The following CTR9 variants were observed in gnomAD, a reference collection of about 807,000 sequenced individuals.
CTR9 encodes CTR9 component of Paf1/RNA polymerase II complex.
A neutral mutation model predicts 152.1 loss-of-function variants in CTR9; 41 were observed. That is an observed-to-expected ratio of 0.27 (90% CI 0.21 to 0.35). CTR9 has a LOEUF of 0.35. CTR9 is among the 10% of genes least tolerant of loss of function. The pLI is 1.00. For missense variants in CTR9, 917 were observed against 1,424.4 expected (o/e 0.64, Z 5.73); for synonymous variants, 476 against 496.2 (o/e 0.96, Z 0.54).
intron 19 of CTR9, 124 bp downstream of exon 19, chr11:10,771,740 T>G: frequency 1.5e-6 from 1 of 656,964 alleles, no homozygotes; most frequent in Non-Finnish European, 2.7e-6. Context: ...CACACTTCTC[T>G]TGGGGACTCT....
chr11:10,779,088 T>C lies in CTR9; in HGVS notation c.3505T>C (p.Ser1169Pro). 12 of 1,611,632 alleles carry C rather than the reference T, an allele frequency of 7.4e-6. No individual in the cohort carries two copies. The highest frequency in any genetic ancestry group is 1.0e-5 in the Non-Finnish European group (12 of 1,178,154). The change falls in exon 25 of 25, where the codon TCA becomes CCA. Residue 1169 changes from serine to proline, a missense_variant. Coordinates refer to ENST00000361367, the MANE Select transcript of CTR9 (RefSeq NM_014633.5). ...CTCAGATAGAGGCTCAGAACATGGGTCAGATGATAGTGACTAGGTTTTATT... is the reference window on the plus strand; with the variant it reads ...CTCAGATAGAGGCTCAGAACATGGGCCAGATGATAGTGACTAGGTTTTATT... ...EASDRGSEHG[S>P]DDSD is the part of the protein sequence containing the mutation.
intron 6 of CTR9, among the ~76,000 whole-genome samples, chr11:10,760,906 T>G (rs571552819): frequency 6.6e-6 from 1 of 152,288 alleles, no homozygotes; most frequent in African/African-American, 2.4e-5. Flanking sequence ...ATCTCCAGCT[T>G]CTCATTATTA....
chr11:10,774,100 A>C lies in CTR9; in HGVS notation c.2816A>C (p.Lys939Thr). 1 of 1,609,716 alleles carries C rather than the reference A, an allele frequency of 6.2e-7. No homozygotes were observed. Among genetic ancestry groups the C allele is most frequent in the Non-Finnish European group, 8.5e-7 (1 of 1,176,030 alleles). The change falls in exon 22 of 25, where the codon AAG becomes ACG. Residue 939 changes from lysine (K) to threonine (T), a missense_variant. Lys to Thr is a moderately conservative substitution (Grantham distance 78). Coordinates refer to ENST00000361367, the MANE Select transcript of CTR9 (RefSeq NM_014633.5). ...LPISKKKKRR[K>T]GSGSEQEGED... Reference sequence around the variant, plus strand: ...ATATCCAAAAAGAAGAAGAGAAGAAAGGGTAGTGGCAGTGAACAAGAAGGT... The same window carrying C: ...ATATCCAAAAAGAAGAAGAGAAGAACGGGTAGTGGCAGTGAACAAGAAGGT...
intron 24 of CTR9, among the ~76,000 whole-genome samples, chr11:10,777,927 C>T (rs369106472): frequency 3.9e-5 from 6 of 152,276 alleles, no homozygotes; most frequent in South Asian, 4.1e-4. Context: ...GAGCGGTCAC[C>T]GTGGTTAAGG....
At position 10,774,009 on chromosome 11, in the gene CTR9, T is replaced by C. The variant is rs752712432; in HGVS notation, c.2728-3T>C. On this transcript the variant is annotated splice_polypyrimidine_tract_variant and splice_region_variant and intron_variant, in intron 21 of 24. Transcript: ENST00000361367. ...ACTGACTATAGTGTTGTTTGGATTT[T>C]AGCGTTCTAAGAAGGGAGGAGAGTT... The C allele has an allele frequency of 6.2e-7, 1 of 1,608,282 alleles. No homozygotes were observed. The highest frequency in any genetic ancestry group is 1.1e-5 in the South Asian group (1 of 90,076).
chr11:10,779,216 ATTTTC>A lies in CTR9; in HGVS notation c.*118_*122del, dbSNP rs1243838099. ...CAATTGTGAAATTTTTCTTAAGGCA[ATTTTC>A]TTTTCTATCAGTTTGTATATTACTA... On this transcript the variant is annotated 3_prime_UTR_variant, in exon 25 of 25. Transcript: ENST00000361367. 10 of 1,141,142 alleles carry A rather than the reference ATTTTC, an allele frequency of 8.8e-6. No homozygotes were observed. The highest frequency in any genetic ancestry group is 2.6e-5 in the East Asian group (1 of 38,982). The allele number at this position is 1,141,142 out of a possible 1,614,324, so 70.7% of individuals were successfully genotyped here.
chr11:10,771,664 T>C (rs1444902060), intron 19 of CTR9, 48 bp downstream of exon 19: 2 of 1,376,262 alleles, frequency 1.5e-6, no homozygotes, highest in African/African-American at 1.4e-5. Context: ...GCAGTGATAT[T>C]TACATGGGCT....
chr11:10,764,309 G>A lies in CTR9; in HGVS notation c.1286G>A (p.Gly429Asp), dbSNP rs1196300708. The A allele has an allele frequency of 6.2e-7, 1 of 1,613,906 alleles. No individual in the cohort carries two copies. Among genetic ancestry groups the A allele is most frequent in the African/African-American group, 1.3e-5 (1 of 74,982 alleles). Residue 429 changes from glycine (G) to aspartate (D), a missense_variant and splice_region_variant, in exon 11 of 25, where the codon GGT becomes GAT. Coordinates refer to ENST00000361367, the MANE Select transcript of CTR9 (RefSeq NM_014633.5). ...AQILEQTDIQ[G>D]ALSAYGTATR... ...TTTCTGTCAATCATGAAAATACAGG[G>A]TGCCCTTTCAGCCTATGGAACAGCA... is the stretch of plus-strand genomic sequence containing the variant.
Position 10,763,812 on chromosome 11 carries a change from A to G in CTR9, c.1127A>G (p.Glu376Gly). Residue 376 changes from glutamate to glycine, a missense_variant, in exon 9 of 25, where the codon GAA becomes GGA. Glu to Gly is a moderately conservative substitution (Grantham distance 98, BLOSUM62 -2). Transcript: ENST00000361367. ...KVLKAYPNNYETMKILGSLYA... is the reference protein window; with the variant it reads ...KVLKAYPNNYGTMKILGSLYA... The stretch of plus-strand genomic sequence containing the variant: ...TTGAAAGCTTATCCTAATAATTACG[A>G]AACTATGAAAATTCTCGGCTCTCTC... The G allele has an allele frequency of 6.2e-7, 1 of 1,613,954 alleles. No homozygotes were observed.
At chr11:10,762,137 G>T in intron 7 of CTR9, 83 bp downstream of exon 7, 1 of 892,838 alleles carries the variant, frequency 1.1e-6, no homozygotes, top group Non-Finnish European at 1.7e-6. Flanking sequence ...AACTTGGAAA[G>T]AAATTTGAAA....
chr11:10,766,236 T>C (rs1007719519), intron 12 of CTR9, 166 bp from the exon 13 acceptor site: 16 of 605,794 alleles, frequency 2.6e-5, no homozygotes, highest in African/African-American at 2.5e-4. Context: ...ACAAAATTAT[T>C]CTTTAACTTG....
rs544297492 is a variant in CTR9 at position 10,760,586 on chromosome 11, A to G, written c.741+265A>G. Among the ~76,000 whole-genome samples, 19 of 148,412 alleles carry G rather than the reference A, an allele frequency of 1.3e-4. No homozygotes were observed. The South Asian group carries it at 3.9e-3, about 31-fold the overall frequency. On this transcript the variant is annotated intron_variant, in intron 6 of 24. Coordinates refer to ENST00000361367, the MANE Select transcript of CTR9 (RefSeq NM_014633.5). ...TATTGCCACCAAATAAGTTTGCTCC[A>G]AGATTACCAAAAAAAAAAAAACAGA...
At chr11:10,751,550 C>A in intron 1 of CTR9, 93 bp downstream of exon 1, 2 of 1,227,524 alleles carry the variant, frequency 1.6e-6, no homozygotes, top group Non-Finnish European at 2.3e-6. Flanking sequence ...GCGAGAGCAT[C>A]CTCCTTCCCT....
intron 21 of CTR9, among the ~76,000 whole-genome samples, chr11:10,773,595 T>C (rs1176000773): frequency 6.6e-6 from 1 of 152,086 alleles, no homozygotes; most frequent in Non-Finnish European, 1.5e-5. Context: ...TAGTAAAAGA[T>C]CCTTCATTTG....
In CTR9 at chr11:10,768,356, C is replaced by T. The variant is rs750778144; in HGVS notation, c.1974C>T (p.Ala658=). The change falls in exon 16 of 25, where the codon GCC becomes GCT. Residue 658 remains alanine (A), a synonymous_variant. Coordinates refer to ENST00000361367, the MANE Select transcript of CTR9 (RefSeq NM_014633.5). The part of the protein sequence containing the change: ...YAANGIGAVL[A]HKGYFREARD... Reference sequence around the variant, plus strand: ...TTATATCTTTAGGAGCTGTTTTGGCCCACAAAGGATATTTTCGTGAAGCTC... The same window carrying T: ...TTATATCTTTAGGAGCTGTTTTGGCTCACAAAGGATATTTTCGTGAAGCTC... The T allele has an allele frequency of 6.2e-7, 1 of 1,612,744 alleles. No individual in the cohort carries two copies. Among genetic ancestry groups the T allele is most frequent in the Non-Finnish European group, 8.5e-7 (1 of 1,179,644 alleles).
intron 16 of CTR9, among the ~76,000 whole-genome samples, chr11:10,769,312 C>T (rs553646438): frequency 3.3e-5 from 5 of 151,858 alleles, no homozygotes; most frequent in African/African-American, 7.3e-5. Context: ...TGCTTGAGCT[C>T]GAAATAAAAG....
At chr11:10,769,745 T>C (rs1463399838) in intron 16 of CTR9, among the ~76,000 whole-genome samples, 3 of 152,226 alleles carry the variant, frequency 2.0e-5, no homozygotes, top group African/African-American at 7.2e-5. Flanking sequence ...ACACTAGTAT[T>C]GTATTGGTTT....
At chr11:10,752,095 A>AT (rs961819909) in intron 1 of CTR9, among the ~76,000 whole-genome samples, 2 of 151,474 alleles carry the variant, frequency 1.3e-5, no homozygotes, top group Non-Finnish European at 2.9e-5. Flanking sequence ...TTTTATTTTT[A>AT]TTTTTTTTGT....
Position 10,768,057 on chromosome 11 carries a change from A to G in CTR9, c.1873-17A>G. ...CATTCTCGTTTGAATCTTTTTTAAG[A>G]GCACTTGTTTCTATAGGAAAAGCGT... On this transcript the variant is annotated splice_polypyrimidine_tract_variant and intron_variant, in intron 14 of 24. Coordinates refer to ENST00000361367, the MANE Select transcript of CTR9 (RefSeq NM_014633.5). The G allele has an allele frequency of 6.2e-7, 1 of 1,613,922 alleles. No homozygotes were observed. Among genetic ancestry groups the G allele is most frequent in the South Asian group, 1.1e-5 (1 of 91,068 alleles).
Sources: allele counts gnomAD v4.1 joint callset (sites outside exome capture counted in the v4.1 genomes callset), GRCh38; gene constraint gnomAD v4.1.1; transcripts MANE v1.5; gene names NCBI Gene and HGNC (gene_info 2026-07-23, HGNC 2026-07-21).